IGSF11: variants seen among roughly 807,000 people sequenced by gnomAD.
IGSF11 encodes immunoglobulin superfamily member 11, also known as CXADR like 1.
Under a neutral mutation model 41.0 loss-of-function variants are expected in IGSF11, and 22 were observed. The ratio of observed to expected loss-of-function variants is 0.54; its 90% CI spans 0.38 to 0.77. The LOEUF (loss-of-function observed/expected upper bound fraction) is 0.77, where lower values mean the gene tolerates loss of function less well. IGSF11 is among the 30% of genes least tolerant of loss of function. IGSF11 has a pLI of 0.00. For missense variants in IGSF11, 444 were observed against 530.8 expected (o/e 0.84, Z 1.61); for synonymous variants, 219 against 201.3 (o/e 1.09, Z -0.74).
At chr3:118,966,725 G>C (rs544730173) in intron 1 of IGSF11, among the ~76,000 whole-genome samples, 1 of 152,258 alleles carries the variant, frequency 6.6e-6, no homozygotes, top group South Asian at 2.1e-4. Flanking sequence ...CTTTAATAAG[G>C]GTTAGGTTTG....
intron 1 of IGSF11, among the ~76,000 whole-genome samples, chr3:119,138,357 G>A (rs950523723): frequency 6.6e-6 from 1 of 151,972 alleles, no homozygotes; most frequent in Non-Finnish European, 1.5e-5. Flanking sequence ...TTTAAATGTG[G>A]TATATATATA....
At chr3:118,942,262 C>G (rs546129286) in intron 1 of IGSF11, among the ~76,000 whole-genome samples, 8 of 152,272 alleles carry the variant, frequency 5.3e-5, no homozygotes, top group African/African-American at 1.9e-4. Context: ...TACTGTAAAA[C>G]TGGCTTAAGA....
At chr3:118,928,293 A>G (rs2107529683) in intron 3 of IGSF11, among the ~76,000 whole-genome samples, 1 of 152,360 alleles carries the variant, frequency 6.6e-6, no homozygotes, top group Middle Eastern at 3.4e-3. Context: ...GAAGAAAGTC[A>G]TTAAATAAGT....
At chr3:119,050,331 C>T (rs1448470005) in intron 1 of IGSF11, among the ~76,000 whole-genome samples, 1 of 152,132 alleles carries the variant, frequency 6.6e-6, no homozygotes, top group Non-Finnish European at 1.5e-5. Context: ...AAAAAGTGGG[C>T]AAAGGACGTG....
chr3:118,940,040 T>C (rs1382726589), intron 1 of IGSF11, among the ~76,000 whole-genome samples: 2 of 152,154 alleles, frequency 1.3e-5, no homozygotes, highest in South Asian at 4.1e-4. Flanking sequence ...CCTACAGACA[T>C]TAAAAGAAGA....
upstream of IGSF11, among the ~76,000 whole-genome samples, chr3:119,105,736 A>C (rs2077012106): frequency 1.3e-5 from 2 of 152,092 alleles, no homozygotes; most frequent in Admixed American, 6.6e-5. Context: ...GCATTTACTG[A>C]TTTTTTTCCT....
intron 1 of IGSF11, among the ~76,000 whole-genome samples, chr3:119,026,105 C>T (rs1939797807): frequency 1.3e-5 from 2 of 152,098 alleles, no homozygotes. Context: ...CCCGTCTCTA[C>T]TAAAAATACA....
intron 1 of IGSF11, among the ~76,000 whole-genome samples, chr3:119,120,963 G>A (rs764828049): frequency 6.6e-6 from 1 of 152,120 alleles, no homozygotes; most frequent in Non-Finnish European, 1.5e-5. Flanking sequence ...CCTAAAACTA[G>A]TATCTTAATA....
At chr3:119,105,898 T>C (rs1464176989), upstream of IGSF11, among the ~76,000 whole-genome samples, 2 of 152,168 alleles carry the variant, frequency 1.3e-5, no homozygotes, top group African/African-American at 4.8e-5. Context: ...ATTATACTTC[T>C]TTTCTTTTTT....
At chr3:118,954,416 C>G (rs1164567485) in intron 1 of IGSF11, among the ~76,000 whole-genome samples, 1 of 151,840 alleles carries the variant, frequency 6.6e-6, no homozygotes, top group East Asian at 1.9e-4. Context: ...TATAAATTTC[C>G]AAGTCTAGTT....
chr3:119,142,038 G>A (rs1018179101), intron 1 of IGSF11, among the ~76,000 whole-genome samples: 1 of 152,108 alleles, frequency 6.6e-6, no homozygotes, highest in South Asian at 2.1e-4. Flanking sequence ...CACTTTGGGA[G>A]GCCGAGGAGG....
chr3:119,124,270 T>C (rs1229748311), intron 1 of IGSF11, among the ~76,000 whole-genome samples: 1 of 43,592 alleles, frequency 2.3e-5, no homozygotes, highest in African/African-American at 8.6e-5. Context: ...CAGAGCCTTT[T>C]TTTTTTTTTT....
chr3:118,967,824 A>AT (rs979431344), intron 1 of IGSF11, among the ~76,000 whole-genome samples: 21 of 152,146 alleles, frequency 1.4e-4, no homozygotes, highest in African/African-American at 4.3e-4. Context: ...TTTCTATCTT[A>AT]TTTTTTTACT....
chr3:118,995,998 G>T (rs1400693146), intron 1 of IGSF11, among the ~76,000 whole-genome samples: 3 of 151,962 alleles, frequency 2.0e-5, no homozygotes, highest in Admixed American at 2.0e-4. Context: ...TAGCCAAGCT[G>T]CTCTCAAACT....
At chr3:118,916,786 C>T (rs1311625438) in intron 4 of IGSF11, among the ~76,000 whole-genome samples, 2 of 151,878 alleles carry the variant, frequency 1.3e-5, no homozygotes, top group Non-Finnish European at 2.9e-5. Context: ...CTCTCCACCC[C>T]AAATCAACAG....
chr3:118,973,888 G>A (rs1933743571), intron 1 of IGSF11, among the ~76,000 whole-genome samples: 1 of 152,094 alleles, frequency 6.6e-6, no homozygotes, highest in Non-Finnish European at 1.5e-5. Flanking sequence ...ACTTATAAGT[G>A]GGAGCTGAAC....
intron 1 of IGSF11, among the ~76,000 whole-genome samples, chr3:119,071,113 A>G (rs2076393838): frequency 1.3e-5 from 2 of 152,212 alleles, no homozygotes. Flanking sequence ...AGCACATGTG[A>G]AACACCAGAA....
intron 1 of IGSF11, among the ~76,000 whole-genome samples, chr3:119,082,951 C>T (rs1303861928): frequency 1.3e-5 from 2 of 151,984 alleles, no homozygotes; most frequent in Non-Finnish European, 2.9e-5. Context: ...AAAGATTATA[C>T]AGACTTAAAA....
intron 1 of IGSF11, among the ~76,000 whole-genome samples, chr3:119,024,891 T>C (rs1939665768): frequency 6.6e-6 from 1 of 152,188 alleles, no homozygotes; most frequent in Non-Finnish European, 1.5e-5. Flanking sequence ...TTGTCATACT[T>C]ACAGCCTGCT....
Sources: allele counts gnomAD v4.1 joint callset (sites outside exome capture counted in the v4.1 genomes callset), GRCh38; gene constraint gnomAD v4.1.1; transcripts MANE v1.5; gene names NCBI Gene and HGNC (gene_info 2026-07-23, HGNC 2026-07-21).